Variants in FGD3 observed in about 807,000 individuals in gnomAD.
FGD3 encodes the protein FYVE, RhoGEF and PH domain-containing protein 3.
FGD3 carries 45 observed loss-of-function variants against 71.8 expected under a neutral mutation model. The observed-to-expected ratio is 0.63, with a 90% confidence interval of 0.49 to 0.80. The LOEUF (loss-of-function observed/expected upper bound fraction) is 0.80, where lower values mean the gene tolerates loss of function less well. Among genes scored for constraint, FGD3 ranks in the 30% least tolerant of loss-of-function variants. The pLI is 0.00. For synonymous variants in FGD3, 378 were observed against 392.8 expected, an observed-to-expected ratio of 0.96 and a Z score of 0.44; for missense variants, 844 against 951.5, an observed-to-expected ratio of 0.89 and a Z score of 1.49.
intron 10 of FGD3, among the ~76,000 whole-genome samples, chr9:93,017,366 A>C (rs1861741986): frequency 6.6e-6 from 1 of 152,196 alleles, no homozygotes; most frequent in Non-Finnish European, 1.5e-5. Flanking sequence ...AGAGAATTTC[A>C]AGGTAAGAAG....
intron 1 of FGD3, among the ~76,000 whole-genome samples, chr9:92,949,689 A>C (rs1025788218): frequency 4.6e-5 from 7 of 152,036 alleles, no homozygotes; most frequent in African/African-American, 1.7e-4. Context: ...CTTGGCCCTG[A>C]GTGTATCTGT....
At chr9:93,017,333 G>GT (rs921068117) in intron 10 of FGD3, among the ~76,000 whole-genome samples, 16 of 152,022 alleles carry the variant, frequency 1.1e-4, no homozygotes, top group Admixed American at 3.3e-4. Context: ...TCTAGTTAGT[G>GT]TTTTTTTTCT....
intron 1 of FGD3, among the ~76,000 whole-genome samples, chr9:92,949,563 C>T (rs186950324): frequency 1.8e-4 from 27 of 152,268 alleles, no homozygotes; most frequent in Non-Finnish European, 3.5e-4. Flanking sequence ...CAGGACATCC[C>T]AACGAGGGAT....
At chr9:92,966,361 C>G (rs1859325471) in intron 1 of FGD3, among the ~76,000 whole-genome samples, 1 of 152,216 alleles carries the variant, frequency 6.6e-6, no homozygotes, top group African/African-American at 2.4e-5. Flanking sequence ...GTGAGCTTCC[C>G]CACTCCCTCC....
chr9:93,017,885 A>C (rs1861762979), intron 10 of FGD3, among the ~76,000 whole-genome samples: 1 of 152,044 alleles, frequency 6.6e-6, no homozygotes, highest in Admixed American at 6.6e-5. Context: ...TGGTCAGCAG[A>C]GTTCCAAGCA....
At chr9:92,971,575 T>C (rs1195912723) in intron 1 of FGD3, among the ~76,000 whole-genome samples, 10 of 131,070 alleles carry the variant, frequency 7.6e-5, no homozygotes, top group African/African-American at 2.4e-4. Flanking sequence ...TCTTTTTTTT[T>C]TTTTTTTTTT....
At chr9:92,995,396 A>G (rs1281668783) in intron 3 of FGD3, among the ~76,000 whole-genome samples, 2 of 152,114 alleles carry the variant, frequency 1.3e-5, no homozygotes, top group Non-Finnish European at 1.5e-5. Flanking sequence ...GGGTTTTCTA[A>G]ATATACAATC....
chr9:93,012,708 A>C (rs1861478513), intron 8 of FGD3, among the ~76,000 whole-genome samples: 2 of 147,460 alleles, frequency 1.4e-5, no homozygotes, highest in African/African-American at 2.6e-5. Context: ...GGGGGGAAGA[A>C]TCAATCTACA....
intron 3 of FGD3, among the ~76,000 whole-genome samples, chr9:92,985,741 G>A (rs1208827793): frequency 6.6e-6 from 1 of 152,124 alleles, no homozygotes; most frequent in African/African-American, 2.4e-5. Flanking sequence ...ACCTCCCAAA[G>A]TGCTAGGATT....
chr9:93,026,046 A>T (rs1862101690), intron 14 of FGD3, among the ~76,000 whole-genome samples: 1 of 152,120 alleles, frequency 6.6e-6, no homozygotes, highest in African/African-American at 2.4e-5. Context: ...AGCTGATGAA[A>T]CTGACTCGGT....
chr9:93,009,262 C>CA (rs11435432), intron 6 of FGD3, among the ~76,000 whole-genome samples: 79,736 of 148,020 alleles, frequency 0.54, 21,561 homozygotes, highest in African/African-American at 0.66. Context: ...GACTCCGTCT[C>CA]AAAAAAAAAA....
At chr9:93,014,951 T>C (rs753616293) in intron 9 of FGD3, among the ~76,000 whole-genome samples, 1 of 151,106 alleles carries the variant, frequency 6.6e-6, no homozygotes, top group Non-Finnish European at 1.5e-5. Flanking sequence ...ATTTGATCAC[T>C]GCCCCCGCCC....
chr9:92,984,573 A>C (rs773874487), intron 3 of FGD3, among the ~76,000 whole-genome samples: 51 of 152,302 alleles, frequency 3.3e-4, no homozygotes, highest in Non-Finnish European at 6.3e-4. Context: ...TAAATCCCTG[A>C]GGTTAGCCTG....
Position 93,004,016 on chromosome 9 carries a change from C to T in FGD3, c.559C>T (p.Leu187=). 1 of 1,614,212 alleles carries T rather than the reference C, an allele frequency of 6.2e-7. No individual in the cohort carries two copies. The highest frequency in any genetic ancestry group is 2.2e-5 in the East Asian group (1 of 44,890). Reference sequence around the variant, plus strand: ...CTATGCTCAGGTTTTCTGCACCAGGCTGACGGATGCGGGGATCCCTCCAGA... The same window carrying T: ...CTATGCTCAGGTTTTCTGCACCAGGTTGACGGATGCGGGGATCCCTCCAGA... The part of the protein sequence containing the change: ...HLLDQVFCTR[L]TDAGIPPEVI... Residue 187 remains leucine (L), a synonymous_variant, in exon 5 of 18, where the codon CTG becomes TTG. Transcript: ENST00000375482.
Position 93,034,565 on chromosome 9 carries a change from C to G in FGD3, c.1810C>G (p.Pro604Ala). Reference protein sequence around the residue: ...TEKTPTADPQPSLLCGPLRLS... With the variant: ...TEKTPTADPQASLLCGPLRLS... ...GAAGACACCCACTGCAGACCCCCAG[C>G]CCAGCCTGCTCTGCGGCCCCCTGCG... Residue 604 changes from proline (P) to alanine (A), a missense_variant, in exon 17 of 18, where the codon CCC becomes GCC. Physicochemically the swap from Pro to Ala is conservative, Grantham distance 27. Transcript: ENST00000375482. 6.2e-7 allele frequency: 1 copy of G among 1,612,884 alleles called. No individual in the cohort carries two copies.
intron 14 of FGD3, among the ~76,000 whole-genome samples, chr9:93,025,457 T>A (rs1175685621): frequency 6.6e-6 from 1 of 152,262 alleles, no homozygotes; most frequent in Non-Finnish European, 1.5e-5. Flanking sequence ...GCTCAGTGTC[T>A]GTGTCAAGCT....
intron 1 of FGD3, among the ~76,000 whole-genome samples, chr9:92,956,045 T>A (rs1180009419): frequency 6.6e-6 from 1 of 152,218 alleles, no homozygotes; most frequent in African/African-American, 2.4e-5. Flanking sequence ...TGCCAGTATA[T>A]ACAAATTAAA....
At chr9:92,963,295 A>G (rs1859208245) in intron 1 of FGD3, among the ~76,000 whole-genome samples, 1 of 152,068 alleles carries the variant, frequency 6.6e-6, no homozygotes, top group Non-Finnish European at 1.5e-5. Flanking sequence ...GCTTTTATTT[A>G]TTTATTTATT....
At chr9:92,953,387 C>T (rs1858992245) in intron 1 of FGD3, among the ~76,000 whole-genome samples, 1 of 152,196 alleles carries the variant, frequency 6.6e-6, no homozygotes, top group Non-Finnish European at 1.5e-5. Context: ...GTGGAAAGCT[C>T]TCAAAATGCC....
Sources: allele counts gnomAD v4.1 joint callset (sites outside exome capture counted in the v4.1 genomes callset), GRCh38; gene constraint gnomAD v4.1.1; transcripts MANE v1.5; gene names NCBI Gene and HGNC (gene_info 2026-07-23, HGNC 2026-07-21).